The following TXLNG variants were observed in gnomAD, a reference collection of about 807,000 sequenced individuals.
TXLNG encodes the protein gamma-taxilin.
In TXLNG, 5 loss-of-function variants were observed where a neutral mutation model predicts 38.8. The observed-to-expected ratio is 0.13, with a 90% CI of 0.07 to 0.27. The LOEUF is 0.27. TXLNG is among the 10% of genes least tolerant of loss of function. The pLI is 1.00. For missense variants in TXLNG, 393 were observed against 398.2 expected, an observed-to-expected ratio of 0.99 and a Z score of 0.11; for synonymous variants, 182 against 158.2, an observed-to-expected ratio of 1.15 and a Z score of -1.13.
chrX:16,793,459 C>T (rs1249152507), intron 1 of TXLNG, among the ~76,000 whole-genome samples: 2 of 108,700 alleles, frequency 1.8e-5, no homozygotes, highest in South Asian at 3.9e-4. Context: ...ACCTTATAGT[C>T]TGTCCTGAGT....
At chrX:16,789,207 G>C (rs1196016025) in intron 1 of TXLNG, among the ~76,000 whole-genome samples, 1 of 111,210 alleles carries the variant, frequency 9.0e-6, no homozygotes, top group Non-Finnish European at 1.9e-5. Flanking sequence ...AGGAACAATT[G>C]GAGATGGGCT....
In TXLNG at chrX:16,841,756, C is replaced by T. The variant is rs146035728; in HGVS notation, c.1577C>T (p.Ser526Leu). 149 of 1,207,059 alleles carry T rather than the reference C, an allele frequency of 1.2e-4. No individual in the cohort carries two copies. The African/African-American group carries it at 1.7e-3, about 14-fold the overall frequency. ...ACAGGCTCTGCTCCGGCCATCGAGTCGGTTGACTAAGATGAGGTGTGATCA... is the reference window on the plus strand; with the variant it reads ...ACAGGCTCTGCTCCGGCCATCGAGTTGGTTGACTAAGATGAGGTGTGATCA... Reference protein sequence around the residue: ...PSTGSAPAIESVD With the variant: ...PSTGSAPAIELVD Residue 526 changes from serine (S) to leucine (L), a missense_variant, in exon 10 of 10, where the codon TCG (serine) becomes TTG (leucine). By Grantham distance (145) the Ser-to-Leu change is moderately radical. Transcript: ENST00000380122.
chrX:16,793,159 A>T (rs922829100), intron 1 of TXLNG, among the ~76,000 whole-genome samples: 2 of 110,703 alleles, frequency 1.8e-5, no homozygotes, highest in Admixed American at 2.0e-4. Flanking sequence ...CAACATTGAG[A>T]TGGGACATTT....
intron 1 of TXLNG, among the ~76,000 whole-genome samples, chrX:16,806,550 G>A (rs1028984854): frequency 8.9e-6 from 1 of 112,262 alleles, no homozygotes; most frequent in African/African-American, 3.2e-5. Context: ...GGGAGGCTGA[G>A]GCGGGCAGAT....
intron 1 of TXLNG, among the ~76,000 whole-genome samples, chrX:16,792,826 G>A (rs1309311307): frequency 2.7e-5 from 3 of 110,491 alleles, no homozygotes; most frequent in Admixed American, 9.7e-5. Context: ...GCCAGGCACA[G>A]TGGCTCATGC....
intron 7 of TXLNG, 69 bp from the exon 8 acceptor site, chrX:16,837,524 C>G: frequency 1.2e-6 from 1 of 808,054 alleles, no homozygotes; most frequent in Middle Eastern, 3.6e-4. Context: ...ATACTACGTT[C>G]TTTTGAAAGT....
In TXLNG at chrX:16,834,261, C is replaced by T. The variant is rs1255462295; in HGVS notation, c.985-22C>T. 5.9e-6 allele frequency: 7 copies of T among 1,180,812 alleles called. No individual in the cohort carries two copies. The African/African-American group carries it at 1.1e-4, about 18-fold the overall frequency. On this transcript the variant is annotated intron_variant, in intron 6 of 9. Coordinates refer to ENST00000380122, the MANE Select transcript of TXLNG (RefSeq NM_018360.3). ...GCTTGTAATTACCATTAGCATTTTG[C>T]CAGAATGTTTCTGTTTTCTAGTTAT...
At chrX:16,800,966 G>A (rs375248624) in intron 1 of TXLNG, among the ~76,000 whole-genome samples, 2 of 111,235 alleles carry the variant, frequency 1.8e-5, no homozygotes, top group South Asian at 3.8e-4. Flanking sequence ...TAGTTCTAGC[G>A]AGATCTGGTT....
chrX:16,815,139 G>A (rs1282742477), intron 1 of TXLNG, among the ~76,000 whole-genome samples: 5 of 111,550 alleles, frequency 4.5e-5, no homozygotes, highest in African/African-American at 1.6e-4. Context: ...GAGAAATTCT[G>A]TGTTAGAGAT....
At chrX:16,812,691 CTTTTTTTTTTTTT>C (rs55974932) in intron 1 of TXLNG, among the ~76,000 whole-genome samples, 7 of 39,461 alleles carry the variant, frequency 1.8e-4, no homozygotes, top group East Asian at 1.4e-3. Context: ...TGCGGCCAGC[CTTTTTTTTTTTTT>C]TTTTTTTTTT....
At chrX:16,828,864 TCCCTTTATG>T (rs770038034) in intron 4 of TXLNG, among the ~76,000 whole-genome samples, 55 of 111,687 alleles carry the variant, frequency 4.9e-4, no homozygotes, top group Non-Finnish European at 8.5e-4. Context: ...TGGGACAGAC[TCCCTTTATG>T]CCCTTTATGC....
In TXLNG at chrX:16,834,263, A is replaced by G. The variant is rs1929513715; in HGVS notation, c.985-20A>G. The G allele has an allele frequency of 2.5e-6, 3 of 1,189,636 alleles. No homozygotes were observed. The highest frequency in any genetic ancestry group is 3.4e-6 in the Non-Finnish European group (3 of 878,443). ...TTGTAATTACCATTAGCATTTTGCC[A>G]GAATGTTTCTGTTTTCTAGTTATTA... On this transcript the variant is annotated intron_variant, in intron 6 of 9. Coordinates refer to ENST00000380122, the MANE Select transcript of TXLNG (RefSeq NM_018360.3).
chrX:16,805,607 A>G (rs1928308499), intron 1 of TXLNG, among the ~76,000 whole-genome samples: 1 of 112,250 alleles, frequency 8.9e-6, no homozygotes, highest in African/African-American at 3.2e-5. Flanking sequence ...ATCATAAATC[A>G]TTTATTTCCT....
Position 16,841,835 on chromosome X carries a change from T to G in TXLNG, c.*69T>G. On this transcript the variant is annotated 3_prime_UTR_variant, in exon 10 of 10. Transcript: ENST00000380122. ...ACTTTCTCTGTTAGTAGTTAACTAT[T>G]GGTTTTGTGGTGAAAATTTTCTTAC... 1 of 1,072,721 alleles carries G rather than the reference T, an allele frequency of 9.3e-7. No individual in the cohort carries two copies. Among genetic ancestry groups the G allele is most frequent in the Non-Finnish European group, 1.3e-6 (1 of 798,932 alleles). 88.4% of individuals were successfully genotyped at this position (1,072,721 alleles called of 1,213,427 possible).
At chrX:16,802,821 C>CTTTT (rs561657297) in intron 1 of TXLNG, among the ~76,000 whole-genome samples, 3 of 87,367 alleles carry the variant, frequency 3.4e-5, no homozygotes, top group African/African-American at 8.3e-5. Context: ...TTCTTTCTTT[C>CTTTT]TTTTTTTTTT....
intron 9 of TXLNG, 79 bp from the exon 10 acceptor site, chrX:16,841,349 A>C (rs767930331): frequency 1.1e-6 from 1 of 919,805 alleles, no homozygotes; most frequent in Admixed American, 3.0e-5. Context: ...GAAGTGTCCA[A>C]TATGGCTGAG....
chrX:16,834,206 C>G, intron 6 of TXLNG, 77 bp from the exon 7 acceptor site: 2 of 872,037 alleles, frequency 2.3e-6, no homozygotes, highest in Non-Finnish European at 3.3e-6. Context: ...AAGGATGAAG[C>G]CTAACTCTGA....
Position 16,786,582 on chromosome X carries a change from G to A in TXLNG, c.95G>A (p.Arg32Gln). The A allele has an allele frequency of 1.9e-6, 2 of 1,067,449 alleles. No homozygotes were observed. Among genetic ancestry groups the A allele is most frequent in the South Asian group, 4.8e-5 (2 of 41,740 alleles). The allele number at this position is 1,067,449 out of a possible 1,213,427, so 88.0% of individuals were successfully genotyped here. The change falls in exon 1 of 10, where the codon CGG becomes CAG. Residue 32 changes from arginine to glutamine, a missense_variant. Transcript: ENST00000380122. The part of the protein sequence containing the change: ...AGRGGRRRSP[R>Q]QKFEIGTMEE... Reference sequence around the variant, plus strand: ...CGGGGCGGACGGCGACGCAGCCCGCGGCAGAAGGTCAGTCAGGGGGACGCC... The same window carrying A: ...CGGGGCGGACGGCGACGCAGCCCGCAGCAGAAGGTCAGTCAGGGGGACGCC...
chrX:16,828,052 T>A lies in TXLNG; in HGVS notation c.499-42T>A, dbSNP rs186655021. On this transcript the variant is annotated intron_variant, in intron 3 of 9. Coordinates refer to ENST00000380122, the MANE Select transcript of TXLNG (RefSeq NM_018360.3). ...ATAATTCTAGCCATAACTGTAAGAT[T>A]TTTACTGTACTTCCTAAATACAAAG... The A allele has an allele frequency of 2.4e-4, 277 of 1,138,226 alleles. 1 individual carries two copies. The African/African-American group carries it at 4.1e-3, about 17-fold the overall frequency. 93.8% of individuals were successfully genotyped at this position (1,138,226 alleles called of 1,213,427 possible).
Sources: gnomAD v4.1 joint callset for allele counts (sites outside exome capture counted in the v4.1 genomes callset) on GRCh38, gnomAD v4.1.1 for gene constraint, MANE v1.5 for transcripts, NCBI Gene and HGNC (gene_info 2026-07-23, HGNC 2026-07-21) for gene names.